The following EDA2R variants were observed in gnomAD, a reference collection of about 807,000 sequenced individuals.
EDA2R encodes the protein tumor necrosis factor receptor superfamily member 27.
A neutral mutation model predicts 20.1 loss-of-function variants in EDA2R; 26 were observed. The observed-to-expected ratio is 1.30, with a 90% CI of 0.95 to 1.80. The LOEUF (loss-of-function observed/expected upper bound fraction) is 1.80, where lower values mean the gene tolerates loss of function less well. Among genes scored for constraint, EDA2R ranks in the 40% most tolerant of loss-of-function variants. The probability of loss-of-function intolerance (pLI) is 0.00; values close to 1 mark genes in which losing one functional copy is unlikely to be tolerated. For synonymous variants in EDA2R, 114 were observed against 88.7 expected (o/e 1.29, Z -1.60); for missense variants, 277 against 228.7 (o/e 1.21, Z -1.36).
chrX:66,621,454 G>A (rs1167712093), intron 1 of EDA2R, among the ~76,000 whole-genome samples: 1 of 112,129 alleles, frequency 8.9e-6, no homozygotes, highest in Non-Finnish European at 1.9e-5. Context: ...GTAAACAAAT[G>A]TTCCTAGCAG....
At chrX:66,611,211 C>G (rs1930680764) in intron 2 of EDA2R, among the ~76,000 whole-genome samples, 1 of 111,604 alleles carries the variant, frequency 9.0e-6, no homozygotes. Context: ...GTATGCTAAA[C>G]ATAAACAGAT....
At chrX:66,600,156 C>A in intron 5 of EDA2R, 6 of 866,361 alleles carry the variant, frequency 6.9e-6, no homozygotes, top group South Asian at 2.5e-5. Context: ...TTGCCATAAT[C>A]TTCATGGCCT....
chrX:66,631,630 G>A (rs962154048), intron 1 of EDA2R, among the ~76,000 whole-genome samples: 2 of 111,410 alleles, frequency 1.8e-5, no homozygotes, highest in African/African-American at 6.5e-5. Flanking sequence ...TGGTTTGATA[G>A]GGTTACTGCC....
At chrX:66,632,901 T>TGATA (rs1933975014) in intron 1 of EDA2R, among the ~76,000 whole-genome samples, 1 of 112,192 alleles carries the variant, frequency 8.9e-6, no homozygotes, top group Non-Finnish European at 1.9e-5. Context: ...TAACTGTTAG[T>TGATA]GATAGCAACA....
At chrX:66,610,272 AACACACAC>A (rs10657734) in intron 2 of EDA2R, among the ~76,000 whole-genome samples, 29 of 87,470 alleles carry the variant, frequency 3.3e-4, no homozygotes, top group South Asian at 2.7e-3. Context: ...CAGATACACA[AACACACAC>A]ACACACACAC....
In EDA2R at chrX:66,602,709, T is replaced by C. The variant is rs1448824706; in HGVS notation, c.441A>G (p.Leu147=). ...CCAGGAAGGCCAGGGTAAACACCAC[T>C]AGCAGGCTGCTCACCAGTGCAACAA... is the stretch of plus-strand genomic sequence containing the variant. ...ATLVALVSSL[L]VVFTLAFLGL... is the part of the protein sequence containing the mutation. The change falls in exon 5 of 7, where the codon CTA becomes CTG. Residue 147 remains leucine, a synonymous_variant. Transcript: ENST00000374719. 1.7e-6 allele frequency: 2 copies of C among 1,199,936 alleles called. No homozygotes were observed. The highest frequency in any genetic ancestry group is 3.6e-5 in the South Asian group (2 of 55,109).
chrX:66,613,438 T>A (rs1412081454), intron 2 of EDA2R, among the ~76,000 whole-genome samples: 1 of 111,412 alleles, frequency 9.0e-6, no homozygotes, highest in African/African-American at 3.3e-5. Flanking sequence ...CACAGTAAAG[T>A]TGGTACATTT....
intron 1 of EDA2R, among the ~76,000 whole-genome samples, chrX:66,620,582 AT>A (rs999548861): frequency 9.0e-6 from 1 of 111,469 alleles, no homozygotes; most frequent in African/African-American, 3.3e-5. Flanking sequence ...GTGACACTGG[AT>A]TAGGAAGTAG....
In EDA2R at chrX:66,595,648, A is replaced by C. The variant is rs1453283369; in HGVS notation, c.*2456T>G. 1 of 112,271 alleles carries C rather than the reference A, an allele frequency of 8.9e-6. No homozygotes were observed. The highest frequency in any genetic ancestry group is 1.9e-5 in the Non-Finnish European group (1 of 53,160). 9.3% of individuals were successfully genotyped at this position (112,271 alleles called of 1,213,427 possible). On this transcript the variant is annotated 3_prime_UTR_variant, in exon 7 of 7. Coordinates refer to ENST00000374719, the MANE Select transcript of EDA2R (RefSeq NM_021783.5). The stretch of plus-strand genomic sequence containing the variant: ...AGGAATAAACAAGGTTTTTGGATAT[A>C]TTTCTGTTTATTGGCCAATATGAAA...
intron 1 of EDA2R, among the ~76,000 whole-genome samples, chrX:66,629,309 C>T (rs766011734): frequency 5.6e-4 from 62 of 111,663 alleles, no homozygotes; most frequent in African/African-American, 1.8e-3. Context: ...CTCACCACTC[C>T]TCTTCAACAT....
chrX:66,626,688 A>G (rs1230198802), intron 1 of EDA2R, among the ~76,000 whole-genome samples: 1 of 109,098 alleles, frequency 9.2e-6, no homozygotes, highest in African/African-American at 3.3e-5. Flanking sequence ...TTCATCTCAA[A>G]AAAAATCATT....
intron 1 of EDA2R, among the ~76,000 whole-genome samples, chrX:66,628,313 G>A (rs1933318575): frequency 9.1e-6 from 1 of 109,529 alleles, no homozygotes; most frequent in African/African-American, 3.3e-5. Context: ...CCCAGCAGAA[G>A]AAAGGAAATA....
chrX:66,608,810 T>C (rs967741785), intron 2 of EDA2R, among the ~76,000 whole-genome samples: 11 of 110,998 alleles, frequency 9.9e-5, no homozygotes, highest in Non-Finnish European at 2.1e-4. Context: ...AATAGCAAAA[T>C]TTGTAGAGAC....
At chrX:66,610,175 C>T (rs111985409) in intron 2 of EDA2R, among the ~76,000 whole-genome samples, 282 of 109,496 alleles carry the variant, frequency 2.6e-3, no homozygotes, top group Non-Finnish European at 4.6e-3. Context: ...TATAAATTAA[C>T]GACAACCACC....
At chrX:66,598,168 A>C in intron 6 of EDA2R, 75 bp from the exon 7 acceptor site, 1 of 377,173 alleles carries the variant, frequency 2.7e-6, no homozygotes, top group Non-Finnish European at 4.2e-6. Flanking sequence ...ACCCCTCCAA[A>C]TATCATAGGT....
At chrX:66,604,562 C>T in intron 3 of EDA2R, 56 bp from the exon 4 acceptor site, 1 of 1,069,245 alleles carries the variant, frequency 9.4e-7, no homozygotes. Context: ...TGCACTTGGA[C>T]CAGTTCTTCC....
chrX:66,604,496 T>C lies in EDA2R; in HGVS notation c.277A>G (p.Lys93Glu), dbSNP rs1929282774. 1.7e-6 allele frequency: 2 copies of C among 1,205,650 alleles called. No individual in the cohort carries two copies. The highest frequency in any genetic ancestry group is 2.2e-6 in the Non-Finnish European group (2 of 892,760). Reference protein sequence around the residue: ...CGDCLPRFYRKTRIGGLQDQE... With the variant: ...CGDCLPRFYRETRIGGLQDQE... Reference sequence around the variant, plus strand: ...TCCTGCAGGCCTCCAATGCGTGTCTTTCGGTAGAACCTGTGTTCAGAGCAA... The same window carrying C: ...TCCTGCAGGCCTCCAATGCGTGTCTCTCGGTAGAACCTGTGTTCAGAGCAA... The change falls in exon 4 of 7, where the codon AAG becomes GAG. Residue 93 changes from lysine (K) to glutamate (E), a missense_variant. Lys to Glu is a moderately conservative substitution (Grantham distance 56, BLOSUM62 1). Coordinates refer to ENST00000374719, the MANE Select transcript of EDA2R (RefSeq NM_021783.5).
intron 5 of EDA2R, among the ~76,000 whole-genome samples, chrX:66,601,115 A>G (rs920650567): frequency 2.7e-5 from 3 of 112,266 alleles, no homozygotes; most frequent in Middle Eastern, 4.2e-3. Flanking sequence ...GCCCTTATAA[A>G]AACAGTGAGG....
At position 66,596,464 on chromosome X, in the gene EDA2R, C is replaced by T. The variant is rs1602161770; in HGVS notation, c.*1640G>A. 9.0e-6 allele frequency: 1 copy of T among 111,604 alleles called. No homozygotes were observed. Among genetic ancestry groups the T allele is most frequent in the South Asian group, 3.8e-4 (1 of 2,665 alleles). 9.2% of individuals were successfully genotyped at this position (111,604 alleles called of 1,213,427 possible). A position where few individuals can be genotyped will look rare whatever the true frequency, so the allele number is the denominator to read the frequency against. On this transcript the variant is annotated 3_prime_UTR_variant, in exon 7 of 7. Coordinates refer to ENST00000374719, the MANE Select transcript of EDA2R (RefSeq NM_021783.5). ...GGTATGGCTTGGGCTGTCCACATAG[C>T]ATTCATGCCATGAGCAAGCACACTG...
Sources: gnomAD v4.1 joint callset for allele counts (sites outside exome capture counted in the v4.1 genomes callset) on GRCh38, gnomAD v4.1.1 for gene constraint, MANE v1.5 for transcripts, NCBI Gene and HGNC (gene_info 2026-07-23, HGNC 2026-07-21) for gene names.